GRIK1: variants seen among roughly 807,000 people sequenced by gnomAD.
GRIK1 encodes glutamate ionotropic receptor kainate type subunit 1.
A neutral mutation model predicts 105.7 loss-of-function variants in GRIK1; 69 were observed. That is an observed-to-expected ratio of 0.65 (90% CI 0.54 to 0.80). The LOEUF is 0.80. Ranked by LOEUF, GRIK1 falls within the 30% of genes least tolerant of loss-of-function variation. The pLI is 0.00. For synonymous variants in GRIK1, 438 were observed against 431.3 expected, an observed-to-expected ratio of 1.02 and a Z score of -0.19; for missense variants, 1,109 against 1,167.3, an observed-to-expected ratio of 0.95 and a Z score of 0.73.
At chr21:29,570,944 C>G (rs1433847010) in intron 14 of GRIK1, among the ~76,000 whole-genome samples, 2 of 150,642 alleles carry the variant, frequency 1.3e-5, no homozygotes, top group African/African-American at 2.4e-5. Context: ...ATCCTATTCT[C>G]TTGTGTAAAT....
chr21:29,623,163 A>G (rs1487385597), intron 7 of GRIK1, among the ~76,000 whole-genome samples: 1 of 152,204 alleles, frequency 6.6e-6, no homozygotes, highest in East Asian at 1.9e-4. Flanking sequence ...ATGGCAGAAA[A>G]TGAAGAAAGA....
At chr21:29,595,340 G>GTTTTTTTTTTTTTTTTTTTTTT (rs71191119) in intron 9 of GRIK1, among the ~76,000 whole-genome samples, 1 of 136,976 alleles carries the variant, frequency 7.3e-6, no homozygotes, top group Non-Finnish European at 1.6e-5. Flanking sequence ...AGTGTAATAG[G>GTTTTTTTTTTTTTTTTTTTTTT]TTTTTTTTTT....
chr21:29,686,879 T>C (rs1017048629), intron 3 of GRIK1, among the ~76,000 whole-genome samples: 3 of 152,214 alleles, frequency 2.0e-5, no homozygotes, highest in African/African-American at 7.2e-5. Flanking sequence ...TGTGAAGTGA[T>C]AGCCAGGTTT....
intron 7 of GRIK1, among the ~76,000 whole-genome samples, chr21:29,603,517 A>G (rs1191433973): frequency 6.6e-6 from 1 of 152,114 alleles, no homozygotes; most frequent in Non-Finnish European, 1.5e-5. Flanking sequence ...CTGCAATGGG[A>G]CAAAAACTAT....
At chr21:29,592,683 T>G (rs1397330240) in intron 9 of GRIK1, among the ~76,000 whole-genome samples, 1 of 152,200 alleles carries the variant, frequency 6.6e-6, no homozygotes, top group Non-Finnish European at 1.5e-5. Context: ...GAAGATCAAA[T>G]AATCAGATGA....
At chr21:29,935,289 CA>C (rs1330373817) in intron 1 of GRIK1, among the ~76,000 whole-genome samples, 4 of 152,154 alleles carry the variant, frequency 2.6e-5, no homozygotes, top group Non-Finnish European at 5.9e-5. Context: ...TGAAAAACAT[CA>C]GCAGTATAGA....
Position 29,829,406 on chromosome 21 carries a change from T to C in GRIK1, c.118+109977A>G, listed in dbSNP as rs374344127. ...TCAGGTGTAATATTTTATGTATCTA[T>C]AGTAATGGTGATAAGCTCTGTGGAG... is the stretch of plus-strand genomic sequence containing the variant. On this transcript the variant is annotated intron_variant, in intron 1 of 17. Transcript: ENST00000327783. 1.6e-3 allele frequency among the ~76,000 whole-genome samples: 241 copies of C among 152,286 alleles called. 2 individuals carry two copies. The highest frequency in any genetic ancestry group is 0.011 in the South Asian group (52 of 4,820).
rs191543142 is a variant in GRIK1, at chr21:29,686,776, G to T, written c.544+2952C>A. Among the ~76,000 whole-genome samples, 1,263 of 147,736 alleles carry T rather than the reference G, an allele frequency of 8.5e-3. 30 individuals are homozygous for T. The highest frequency in any genetic ancestry group is 0.029 in the African/African-American group (1,198 of 41,124). ...CTGCTCTCCAGGAATCGCTGTGGGT[G>T]CATTTCCCTGAGATTGGCTTTGAGA... On this transcript the variant is annotated intron_variant, in intron 3 of 17. Transcript: ENST00000327783.
At chr21:29,740,222 CT>C (rs758827283) in intron 1 of GRIK1, among the ~76,000 whole-genome samples, 15,622 of 143,488 alleles carry the variant, frequency 0.11, 925 homozygotes, top group African/African-American at 0.19. Context: ...TTTTCCTTTT[CT>C]TTTTTTTTTT....
At chr21:29,867,585 G>T (rs1158702334) in intron 1 of GRIK1, among the ~76,000 whole-genome samples, 1 of 151,872 alleles carries the variant, frequency 6.6e-6, no homozygotes, top group East Asian at 1.9e-4. Flanking sequence ...ACCTGAGGGC[G>T]GGAGTTCAAG....
chr21:29,737,880 A>G (rs1309376412), intron 1 of GRIK1, among the ~76,000 whole-genome samples: 3 of 152,248 alleles, frequency 2.0e-5, no homozygotes, highest in Non-Finnish European at 4.4e-5. Flanking sequence ...ATCCCATAAC[A>G]TGACTTTGAG....
intron 7 of GRIK1, among the ~76,000 whole-genome samples, chr21:29,612,451 A>G (rs1357587607): frequency 6.6e-6 from 1 of 152,160 alleles, no homozygotes; most frequent in Non-Finnish European, 1.5e-5. Flanking sequence ...TGAGACAGTA[A>G]AGCATGTTTT....
intron 1 of GRIK1, among the ~76,000 whole-genome samples, chr21:29,883,470 C>G (rs1235053423): frequency 6.6e-6 from 1 of 152,036 alleles, no homozygotes; most frequent in Non-Finnish European, 1.5e-5. Flanking sequence ...AACTAACAAG[C>G]AGAGAGTTCT....
intron 7 of GRIK1, among the ~76,000 whole-genome samples, chr21:29,623,192 T>A (rs533520183): frequency 6.6e-6 from 1 of 152,268 alleles, no homozygotes; most frequent in South Asian, 2.1e-4. Context: ...ACATCTTATA[T>A]GGCAGCAGGC....
intron 14 of GRIK1, 151 bp downstream of exon 14, chr21:29,576,813 A>G: frequency 3.3e-6 from 2 of 599,598 alleles, no homozygotes; most frequent in Non-Finnish European, 5.8e-6. Context: ...ATTCCTTATA[A>G]TGGGATTATG....
chr21:29,537,649 C>T, intron 17 of GRIK1, 149 bp downstream of exon 17: 1 of 735,638 alleles, frequency 1.4e-6, no homozygotes, highest in South Asian at 1.5e-5. Flanking sequence ...TTAAAGCAAA[C>T]TCAGGGCTCT....
intron 1 of GRIK1, among the ~76,000 whole-genome samples, chr21:29,874,823 C>T (rs996500224): frequency 5.3e-5 from 8 of 152,120 alleles, no homozygotes; most frequent in African/African-American, 1.7e-4. Context: ...ACTGATTATC[C>T]GTGGGTCATC....
chr21:29,874,032 G>A (rs2069109189), intron 1 of GRIK1, among the ~76,000 whole-genome samples: 1 of 152,192 alleles, frequency 6.6e-6, no homozygotes, highest in Non-Finnish European at 1.5e-5. Flanking sequence ...TGCCGCAGCT[G>A]ATCTGAGAGG....
chr21:29,581,536 G>A lies in GRIK1; in HGVS notation c.1801C>T (p.Pro601Ser). 1 of 1,567,958 alleles carries A rather than the reference G, an allele frequency of 6.4e-7. No individual in the cohort carries two copies. The highest frequency in any genetic ancestry group is 8.8e-7 in the Non-Finnish European group (1 of 1,138,334). ...CVLFVIARFTPYEWYNPHPCN... is the reference protein window; with the variant it reads ...CVLFVIARFTSYEWYNPHPCN... Reference sequence around the variant, plus strand: ...GGGTGGGGGTTATACCACTCGTAGGGTGTAAACCTGTGGTAGTTAACAGAA... The same window carrying A: ...GGGTGGGGGTTATACCACTCGTAGGATGTAAACCTGTGGTAGTTAACAGAA... Residue 601 changes from proline (P) to serine (S), a missense_variant, in exon 13 of 18, where the codon CCC becomes TCC. By Grantham distance (74) the Pro-to-Ser change is moderately conservative (BLOSUM62 -1). Around this residue, in one of 5 missense-constraint regions of GRIK1, gnomAD observed 264 missense variants for 306.9 expected, o/e 0.86. Coordinates refer to ENST00000327783, the MANE Select transcript of GRIK1 (RefSeq NM_001330994.2).
Sources: allele counts gnomAD v4.1 joint callset (sites outside exome capture counted in the v4.1 genomes callset), GRCh38; gene constraint gnomAD v4.1.1; regional missense constraint gnomAD v4.1.1; transcripts MANE v1.5; gene names NCBI Gene and HGNC (gene_info 2026-07-23, HGNC 2026-07-21).